The following CYP1A1 variants were observed in gnomAD, a reference collection of about 807,000 sequenced individuals.
The protein encoded by CYP1A1 is cytochrome P450 1A1.
CYP1A1 carries 43 observed loss-of-function variants against 33.6 expected under a neutral mutation model. That is an observed-to-expected ratio of 1.28 (90% CI 1.00 to 1.65). CYP1A1 has a LOEUF of 1.65. Among genes scored for constraint, CYP1A1 ranks in the 40% most tolerant of loss-of-function variants. The pLI is 0.00. For missense variants in CYP1A1, 637 were observed against 653.7 expected (o/e 0.97, Z 0.28); for synonymous variants, 280 against 257.8 (o/e 1.09, Z -0.83).
In CYP1A1 at chr15:74,722,694, C is replaced by A. The variant is rs768371517; in HGVS notation, c.404G>T (p.Arg135Leu). 1 of 1,613,442 alleles carries A rather than the reference C, an allele frequency of 6.2e-7. No homozygotes were observed. ...TTTCAGGCCATTCTGGGCCAGGCGC[C>A]GGCGGGCAGCCCACACTGGTCCAGA... Reference protein sequence around the residue: ...PDSGPVWAARRRLAQNGLKSF... With the variant: ...PDSGPVWAARLRLAQNGLKSF... Residue 135 changes from arginine to leucine, a missense_variant, in exon 2 of 7, where the codon CGG becomes CTG. Transcript: ENST00000379727.
intron 2 of CYP1A1, 32 bp from the exon 3 acceptor site, chr15:74,721,749 A>G (rs2063172495): frequency 1.2e-6 from 2 of 1,609,172 alleles, no homozygotes; most frequent in Non-Finnish European, 1.7e-6. Flanking sequence ...GGTGAGCAAG[A>G]TCTCAAACCC....
intron 2 of CYP1A1, 91 bp downstream of exon 2, chr15:74,722,182 C>T (rs914831452): frequency 6.5e-6 from 7 of 1,075,650 alleles, no homozygotes; most frequent in Non-Finnish European, 8.2e-6. Context: ...TGAGAACTTG[C>T]CAAGCCCCAT....
rs543414137 is a variant in CYP1A1 at position 74,723,047 on chromosome 15, G to A, written c.51C>T (p.Val17=). ...MSATEFLLAS[V]IFCLVFWVIR... ...TTACCCAGAATACCAGACAGAAGAT[G>A]ACAGAGGCCAGAAGAAACTCCGTGG... The change falls in exon 2 of 7, where the codon GTC becomes GTT. Residue 17 remains valine, a synonymous_variant. Coordinates refer to ENST00000379727, the MANE Select transcript of CYP1A1 (RefSeq NM_001319217.2). The A allele has an allele frequency of 4.3e-6, 7 of 1,609,636 alleles. No homozygotes were observed. The African/African-American group carries it at 8.0e-5, about 18-fold the overall frequency.
Position 74,720,634 on chromosome 15 carries a change from C to A in CYP1A1, c.1394G>T (p.Trp465Leu). ...RKCIGETIARWEVFLFLAILL... is the reference protein window; with the variant it reads ...RKCIGETIARLEVFLFLAILL... ...GATAGCCAGGAAGAGAAAGACCTCC[C>A]AGCGGGCAATGGTCTCACCGATACA... Residue 465 changes from tryptophan to leucine, a missense_variant, in exon 7 of 7, where the codon TGG (tryptophan) becomes TTG (leucine). Coordinates refer to ENST00000379727, the MANE Select transcript of CYP1A1 (RefSeq NM_001319217.2). The A allele has an allele frequency of 6.2e-7, 1 of 1,614,182 alleles. No individual in the cohort carries two copies. The highest frequency in any genetic ancestry group is 8.5e-7 in the Non-Finnish European group (1 of 1,180,020).
chr15:74,724,430 G>A (rs1386925683), intron 1 of CYP1A1, among the ~76,000 whole-genome samples: 2 of 151,652 alleles, frequency 1.3e-5, no homozygotes, highest in African/African-American at 4.9e-5. Context: ...ACTTTTCTGG[G>A]GTCCAATTTC....
chr15:74,724,454 G>T (rs2063199440), intron 1 of CYP1A1, among the ~76,000 whole-genome samples: 1 of 151,870 alleles, frequency 6.6e-6, no homozygotes, highest in Non-Finnish European at 1.5e-5. Flanking sequence ...ATCTGAGAGA[G>T]GGTAAGACAA....
intron 1 of CYP1A1, among the ~76,000 whole-genome samples, chr15:74,724,350 GC>G (rs2141719224): frequency 1.3e-5 from 2 of 152,254 alleles, no homozygotes; most frequent in East Asian, 3.9e-4. Context: ...AGGCATCTCT[GC>G]CTGTTACCCT....
chr15:74,723,810 C>T (rs1049342089), intron 1 of CYP1A1, among the ~76,000 whole-genome samples: 1 of 152,168 alleles, frequency 6.6e-6, no homozygotes, highest in African/African-American at 2.4e-5. Flanking sequence ...ACTCAGACTC[C>T]TTAGGGACAC....
In CYP1A1 at chr15:74,720,453, G is replaced by C; in HGVS notation, c.*36C>G. 6.6e-7 allele frequency: 1 copy of C among 1,523,224 alleles called. No individual in the cohort carries two copies. Among genetic ancestry groups the C allele is most frequent in the Non-Finnish European group, 8.8e-7 (1 of 1,137,014 alleles). 94.4% of individuals were successfully genotyped at this position (1,523,224 alleles called of 1,614,324 possible). A position where few individuals can be genotyped will look rare whatever the true frequency, so the allele number is the denominator to read the frequency against. ...CTGGTCTGGCTGCCCAACCAGACCA[G>C]GTAGACAGAGTCTAGGCCTCAGGGC... is the stretch of plus-strand genomic sequence containing the variant. On this transcript the variant is annotated 3_prime_UTR_variant, in exon 7 of 7. Coordinates refer to ENST00000379727, the MANE Select transcript of CYP1A1 (RefSeq NM_001319217.2).
rs751520023 is a variant in CYP1A1, at chr15:74,722,663, GA to G, written c.434del (p.Phe145SerfsTer19). On this transcript the variant is annotated frameshift_variant, in exon 2 of 7. Transcript: ENST00000379727. LOFTEE classifies it high-confidence loss of function. The part of the protein sequence containing the change: ...RRLAQNGLKS[F>X]SIASDPASST... Reference sequence around the variant, plus strand: ...AGGAGGCTGGGTCAGAGGCAATGGAGAAACTTTTCAGGCCATTCTGGGCCAG... The same window carrying G: ...AGGAGGCTGGGTCAGAGGCAATGGAGAACTTTTCAGGCCATTCTGGGCCAG... The G allele has an allele frequency of 6.2e-7, 1 of 1,613,938 alleles. No individual in the cohort carries two copies.
At chr15:74,721,747 A>G (rs747177541) in intron 2 of CYP1A1, 30 bp from the exon 3 acceptor site, 30 of 1,610,094 alleles carry the variant, frequency 1.9e-5, no homozygotes, top group Non-Finnish European at 4.2e-6. Context: ...CAGGTGAGCA[A>G]GATCTCAAAC....
rs753243590 is a variant in CYP1A1, at chr15:74,722,759, G to A, written c.339C>T (p.Thr113=). 3.7e-6 allele frequency: 6 copies of A among 1,613,680 alleles called. No homozygotes were observed. Among genetic ancestry groups the A allele is most frequent in the Non-Finnish European group, 5.1e-6 (6 of 1,180,014 alleles). Residue 113 remains threonine (T), a synonymous_variant, in exon 2 of 7, where the codon ACC becomes ACT. Coordinates refer to ENST00000379727, the MANE Select transcript of CYP1A1 (RefSeq NM_001319217.2). ...ACATGCTCTGACCATTACTGATGAG[G>A]GTGAAGGTGTAGAGGTCGGGCCGGC... is the stretch of plus-strand genomic sequence containing the variant. ...FKGRPDLYTF[T]LISNGQSMSF...
Position 74,720,321 on chromosome 15 carries a change from G to T in CYP1A1, c.*168C>A. ...GTGTGCAGAGGCAAGTCCAGGGTAG[G>T]GGCAGGCAGGATCCCTTAGGCTTGC... On this transcript the variant is annotated 3_prime_UTR_variant, in exon 7 of 7. Transcript: ENST00000379727. The T allele has an allele frequency of 1.5e-6, 1 of 655,918 alleles. No individual in the cohort carries two copies. The allele number at this position is 655,918 out of a possible 1,614,324, so 40.6% of individuals were successfully genotyped here.
At position 74,722,769 on chromosome 15, in the gene CYP1A1, TAGAGGTCGGGCC is replaced by T. The variant is rs756303548; in HGVS notation, c.317_328del (p.Arg106_Tyr110delinsHis). Reference sequence around the variant, plus strand: ...ACCATTACTGATGAGGGTGAAGGTGTAGAGGTCGGGCCGGCCCTTGAAATCATCGCCCTGCCG... The same window carrying T: ...ACCATTACTGATGAGGGTGAAGGTGTGGCCCTTGAAATCATCGCCCTGCCG... On this transcript the variant is annotated inframe_deletion, in exon 2 of 7. Coordinates refer to ENST00000379727, the MANE Select transcript of CYP1A1 (RefSeq NM_001319217.2). 57 of 1,613,568 alleles carry T rather than the reference TAGAGGTCGGGCC, an allele frequency of 3.5e-5. No homozygotes were observed. In the East Asian group the frequency reaches 7.6e-4, roughly 21 times the overall value.
chr15:74,722,946 T>TGCCCAATCAGAGGCCAGCCCCATG lies in CYP1A1; in HGVS notation c.128_151dup (p.Pro43_Gly50dup), dbSNP rs2063186041. 6.2e-7 allele frequency: 1 copy of TGCCCAATCAGAGGCCAGCCCCATG among 1,614,038 alleles called. No homozygotes were observed. The highest frequency in any genetic ancestry group is 1.3e-5 in the African/African-American group (1 of 74,908). On this transcript the variant is annotated inframe_insertion, in exon 2 of 7. Coordinates refer to ENST00000379727, the MANE Select transcript of CYP1A1 (RefSeq NM_001319217.2). ...CGGGTTCTTTCCCAGGGTCAGCATG[T>TGCCCAATCAGAGGCCAGCCCCATG]GCCCAATCAGAGGCCAGCCCCATGG...
In CYP1A1 at chr15:74,722,934, A is replaced by G. The variant is rs1339216487; in HGVS notation, c.164T>C (p.Leu55Pro). 3 of 1,614,132 alleles carry G rather than the reference A, an allele frequency of 1.9e-6. No individual in the cohort carries two copies. The highest frequency in any genetic ancestry group is 2.5e-6 in the Non-Finnish European group (3 of 1,180,028). ...CAGTGCCAGGTGCGGGTTCTTTCCC[A>G]GGGTCAGCATGTGCCCAATCAGAGG... ...GWPLIGHMLT[L>P]GKNPHLALSR... The change falls in exon 2 of 7, where the codon CTG (leucine) becomes CCG (proline). Residue 55 changes from leucine (L) to proline (P), a missense_variant. Coordinates refer to ENST00000379727, the MANE Select transcript of CYP1A1 (RefSeq NM_001319217.2).
chr15:74,725,264 T>C (rs1032431142), intron 1 of CYP1A1, 177 bp downstream of exon 1: 1 of 152,456 alleles, frequency 6.6e-6, no homozygotes, highest in Non-Finnish European at 1.5e-5. Context: ...CAAGTCCTCC[T>C]CTTCCCCTGG....
chr15:74,721,233 G>A lies in CYP1A1; in HGVS notation c.1132C>T (p.His378Tyr). The change falls in exon 5 of 7, where the codon CAC becomes TAC. Residue 378 changes from histidine (H) to tyrosine (Y), a missense_variant. Transcript: ENST00000379727. ...ATGGTGAAGGGGACGAAGGAAGAGT[G>A]TCGGAAGGTCTCCAGGATGAAGGCC... The part of the protein sequence containing the change: ...MEAFILETFR[H>Y]SSFVPFTIPH... 1 of 1,613,826 alleles carries A rather than the reference G, an allele frequency of 6.2e-7. No individual in the cohort carries two copies. Among genetic ancestry groups the A allele is most frequent in the African/African-American group, 1.3e-5 (1 of 75,024 alleles).
intron 1 of CYP1A1, among the ~76,000 whole-genome samples, chr15:74,724,758 TAGG>T (rs2063202068): frequency 6.6e-6 from 1 of 151,708 alleles, no homozygotes; most frequent in South Asian, 2.1e-4. Context: ...TGTAAGATGG[TAGG>T]AGGCCAAGGG....
Sources: gnomAD v4.1 joint callset for allele counts (sites outside exome capture counted in the v4.1 genomes callset) on GRCh38, gnomAD v4.1.1 for gene constraint, MANE v1.5 for transcripts, NCBI Gene and HGNC (gene_info 2026-07-23, HGNC 2026-07-21) for gene names.